ARL3: variants seen among roughly 807,000 people sequenced by gnomAD.
The protein encoded by ARL3 is ADP-ribosylation factor-like protein 3.
In ARL3, 9 loss-of-function variants were observed where a neutral mutation model predicts 26.0. That is an observed-to-expected ratio of 0.35 (90% CI 0.21 to 0.60). The LOEUF (loss-of-function observed/expected upper bound fraction) is 0.60, where lower values mean the gene tolerates loss of function less well. Among genes scored for constraint, ARL3 ranks in the 20% least tolerant of loss-of-function variants. The probability of loss-of-function intolerance (pLI) is 0.78; values close to 1 mark genes in which losing one functional copy is unlikely to be tolerated. For synonymous variants in ARL3, 71 were observed against 78.4 expected (o/e 0.91, Z 0.50); for missense variants, 158 against 215.7 (o/e 0.73, Z 1.67).
rs533245025 is a variant in ARL3 at position 102,702,664 on chromosome 10, C to A, written c.147+2682G>T. 2.6e-5 allele frequency among the ~76,000 whole-genome samples: 4 copies of A among 152,162 alleles called. No homozygotes were observed. In the East Asian group the frequency reaches 7.7e-4, roughly 29 times the overall value. ...AAAACAAAAACAAAAACAAAAAAAC[C>A]CCACAAGCGCATGCACACAAAAACT... is the stretch of plus-strand genomic sequence containing the variant. On this transcript the variant is annotated intron_variant, in intron 2 of 5. Coordinates refer to ENST00000260746, the MANE Select transcript of ARL3 (RefSeq NM_004311.4).
At chr10:102,696,340 A>G (rs914576417) in intron 3 of ARL3, among the ~76,000 whole-genome samples, 1 of 145,996 alleles carries the variant, frequency 6.8e-6, no homozygotes, top group Non-Finnish European at 1.5e-5. Flanking sequence ...ATCTTGGCTC[A>G]CTGCAACCTG....
chr10:102,703,425 CTT>C (rs57721161), intron 2 of ARL3, among the ~76,000 whole-genome samples: 5 of 48,486 alleles, frequency 1.0e-4, no homozygotes, highest in Non-Finnish European at 1.1e-4. Context: ...CAGGACTTGT[CTT>C]TTTTTTTTTT....
At chr10:102,707,780 A>G (rs561644582) in intron 1 of ARL3, among the ~76,000 whole-genome samples, 157 of 152,292 alleles carry the variant, frequency 1.0e-3, no homozygotes, top group African/African-American at 3.6e-3. Context: ...CTATGCCTCA[A>G]TTTTTTCCAG....
chr10:102,688,805 T>TG (rs2064201474), intron 4 of ARL3, among the ~76,000 whole-genome samples: 1 of 152,100 alleles, frequency 6.6e-6, no homozygotes, highest in African/African-American at 2.4e-5. Context: ...ACCCAGCCCT[T>TG]GGCATGTGCA....
intron 1 of ARL3, among the ~76,000 whole-genome samples, chr10:102,706,287 A>T (rs1276383993): frequency 2.6e-5 from 4 of 151,778 alleles, no homozygotes; most frequent in East Asian, 1.9e-4. Context: ...CTGTCTCTAC[A>T]AAAAATATAA....
intron 3 of ARL3, among the ~76,000 whole-genome samples, chr10:102,690,794 A>C (rs566531675): frequency 2.6e-5 from 4 of 152,142 alleles, no homozygotes; most frequent in African/African-American, 7.2e-5. Flanking sequence ...CAAACCCTCA[A>C]ATTAATAAAG....
Position 102,676,950 on chromosome 10 carries a change from G to C in ARL3, c.502-9C>G. On this transcript the variant is annotated splice_polypyrimidine_tract_variant and intron_variant, in intron 5 of 5. Transcript: ENST00000260746. ...ACCCAGTTCATGCCATCCTTTGAGG[G>C]AAATGGGCAGAGAAAGGCAGTGTTA... is the stretch of plus-strand genomic sequence containing the variant. The C allele has an allele frequency of 6.2e-7, 1 of 1,613,778 alleles. No individual in the cohort carries two copies. Among genetic ancestry groups the C allele is most frequent in the Non-Finnish European group, 8.5e-7 (1 of 1,179,690 alleles).
intron 2 of ARL3, among the ~76,000 whole-genome samples, chr10:102,703,066 A>G (rs1389698926): frequency 6.6e-6 from 1 of 151,974 alleles, no homozygotes; most frequent in African/African-American, 2.4e-5. Flanking sequence ...AGGATTTCCT[A>G]CAGGGAATGA....
intron 3 of ARL3, among the ~76,000 whole-genome samples, chr10:102,693,292 T>C (rs937793840): frequency 1.3e-5 from 2 of 152,222 alleles, no homozygotes; most frequent in African/African-American, 4.8e-5. Context: ...GGTGTACTAT[T>C]TTGTATTTCC....
intron 4 of ARL3, among the ~76,000 whole-genome samples, chr10:102,687,696 A>C (rs2064194977): frequency 6.6e-6 from 1 of 151,712 alleles, no homozygotes; most frequent in Non-Finnish European, 1.5e-5. Context: ...TGGAAAAAAA[A>C]AATTTTTTTT....
At chr10:102,708,886 T>TAACA (rs60736499) in intron 1 of ARL3, among the ~76,000 whole-genome samples, 7 of 90,502 alleles carry the variant, frequency 7.7e-5, no homozygotes, top group Non-Finnish European at 1.4e-4. Context: ...AAACCATATA[T>TAACA]TATATATATA....
chr10:102,706,754 C>T (rs1157344755), intron 1 of ARL3, among the ~76,000 whole-genome samples: 4 of 151,992 alleles, frequency 2.6e-5, no homozygotes, highest in Non-Finnish European at 5.9e-5. Flanking sequence ...CAACTACAAC[C>T]TCTGTCTCCT....
intron 5 of ARL3, among the ~76,000 whole-genome samples, chr10:102,684,376 C>T (rs2064171131): frequency 6.6e-6 from 1 of 152,008 alleles, no homozygotes; most frequent in Admixed American, 6.6e-5. Flanking sequence ...GTCTCGATCT[C>T]CTGACCTCGT....
rs1250846177 is a variant in ARL3 at position 102,710,779 on chromosome 10, CA to C, written c.3+3493del. On this transcript the variant is annotated intron_variant, in intron 1 of 5. Transcript: ENST00000260746. ...CCTGGTGGGCAGAAGTGGTCTGACT[CA>C]ACCACAAAACATTTAAACAAACTTT... Among the ~76,000 whole-genome samples the C allele has an allele frequency of 5.2e-4, 79 of 152,328 alleles. 1 individual carries two copies. Among genetic ancestry groups the C allele is most frequent in the Non-Finnish European group, 5.9e-5 (4 of 68,034 alleles).
chr10:102,687,240 CTTTTTTTTTTTG>C (rs2064192734), intron 4 of ARL3, among the ~76,000 whole-genome samples: 2 of 142,954 alleles, frequency 1.4e-5, no homozygotes, highest in Non-Finnish European at 3.1e-5. Flanking sequence ...TCACAGATCA[CTTTTTTTTTTTG>C]AGACAATATC....
intron 2 of ARL3, among the ~76,000 whole-genome samples, chr10:102,701,418 A>G (rs1370662876): frequency 6.6e-6 from 1 of 152,134 alleles, no homozygotes; most frequent in East Asian, 1.9e-4. Context: ...TTGCCACCCA[A>G]TTTCCACTGC....
At position 102,676,645 on chromosome 10, in the gene ARL3, C is replaced by T. The variant is rs1009913311; in HGVS notation, c.*249G>A. On this transcript the variant is annotated 3_prime_UTR_variant, in exon 6 of 6. Transcript: ENST00000260746. ...CATTTTCTAATCATGTGCTTTGAGA[C>T]ATTTAATACTATTTCAATTATGCAG... 2.6e-6 allele frequency: 1 copy of T among 384,086 alleles called. No homozygotes were observed. Among genetic ancestry groups the T allele is most frequent in the Non-Finnish European group, 4.7e-6 (1 of 213,168 alleles). 23.8% of individuals were successfully genotyped at this position (384,086 alleles called of 1,614,324 possible).
chr10:102,686,071 CTTT>C (rs762594294), intron 4 of ARL3, 70 bp from the exon 5 acceptor site: 6,803 of 861,994 alleles, frequency 7.9e-3, no homozygotes, highest in South Asian at 0.011. Flanking sequence ...CCATACACTA[CTTT>C]TTTTTTTTTT....
chr10:102,689,557 C>A (rs530980501), intron 4 of ARL3, among the ~76,000 whole-genome samples: 1 of 152,040 alleles, frequency 6.6e-6, no homozygotes, highest in Non-Finnish European at 1.5e-5. Context: ...CTAGGCTGGG[C>A]GTGGTGGCTC....
Sources: gnomAD v4.1 joint callset for allele counts (sites outside exome capture counted in the v4.1 genomes callset) on GRCh38, gnomAD v4.1.1 for gene constraint, MANE v1.5 for transcripts, NCBI Gene and HGNC (gene_info 2026-07-23, HGNC 2026-07-21) for gene names.